The following UNC13C variants were observed in gnomAD, a reference collection of about 807,000 sequenced individuals.
UNC13C encodes the protein unc-13 homolog C, also known as protein unc-13 homolog C.
UNC13C carries 174 observed loss-of-function variants against 245.4 expected under a neutral mutation model. That is an observed-to-expected ratio of 0.71 (90% CI 0.63 to 0.80). The LOEUF is 0.80. Among genes scored for constraint, UNC13C ranks in the 30% least tolerant of loss-of-function variants. UNC13C has a pLI of 0.00. For synonymous variants in UNC13C, 992 were observed against 895.1 expected, an observed-to-expected ratio of 1.11 and a Z score of -1.93; for missense variants, 2,829 against 2,602.9, an observed-to-expected ratio of 1.09 and a Z score of -1.89.
intron 8 of UNC13C, among the ~76,000 whole-genome samples, 172 bp from the exon 9 acceptor site, chr15:54,263,993 AGTT>A (rs2036490883): frequency 6.6e-6 from 1 of 152,076 alleles, no homozygotes; most frequent in Non-Finnish European, 1.5e-5. Flanking sequence ...AAGGAGTACT[AGTT>A]GTTGTGAATC....
intron 16 of UNC13C, among the ~76,000 whole-genome samples, chr15:54,337,103 T>A (rs1445849553): frequency 6.6e-6 from 1 of 152,202 alleles, no homozygotes; most frequent in Non-Finnish European, 1.5e-5. Context: ...AAATAATTTG[T>A]CAACATCTCA....
chr15:54,464,695 C>T (rs1892072181), intron 19 of UNC13C, among the ~76,000 whole-genome samples: 1 of 151,992 alleles, frequency 6.6e-6, no homozygotes, highest in Admixed American at 6.6e-5. Context: ...CAGTCACATA[C>T]ATAGAAGAGG....
chr15:54,383,648 T>C (rs868522036), intron 17 of UNC13C, among the ~76,000 whole-genome samples: 1 of 152,130 alleles, frequency 6.6e-6, no homozygotes, highest in East Asian at 1.9e-4. Context: ...CTATGCAACA[T>C]GGTGCTGGAA....
At chr15:54,477,273 C>G (rs1307301733) in intron 19 of UNC13C, among the ~76,000 whole-genome samples, 9 of 109,874 alleles carry the variant, frequency 8.2e-5, no homozygotes, top group Middle Eastern at 4.1e-3. Context: ...ATTTGACTTC[C>G]TCTTTTCCTA....
chr15:53,898,954 C>T, the UNC13C span, among the ~76,000 whole-genome samples: 1 of 151,924 alleles, frequency 6.6e-6, no homozygotes, highest in Non-Finnish European at 1.5e-5. Context: ...TACACTGCCC[C>T]CCACCCCATC....
intron 30 of UNC13C, among the ~76,000 whole-genome samples, chr15:54,584,326 G>C (rs1898368956): frequency 6.6e-6 from 1 of 152,200 alleles, no homozygotes; most frequent in African/African-American, 2.4e-5. Context: ...CTATCTTGTA[G>C]TATGCAGTTA....
chr15:53,888,827 T>G, the UNC13C span, among the ~76,000 whole-genome samples: 1 of 152,286 alleles, frequency 6.6e-6, no homozygotes, highest in Non-Finnish European at 1.5e-5. Context: ...CATTGCTTAT[T>G]TGTGTCAGGT....
chr15:54,179,351 G>T (rs1897048), intron 4 of UNC13C, among the ~76,000 whole-genome samples: 137,779 of 152,150 alleles, frequency 0.91, 62,825 homozygotes, highest in Non-Finnish European at 0.97. Context: ...TCTACAGACT[G>T]TAAAATTGCT....
intron 17 of UNC13C, among the ~76,000 whole-genome samples, chr15:54,392,836 G>C (rs1233384945): frequency 6.6e-6 from 1 of 151,858 alleles, no homozygotes; most frequent in Non-Finnish European, 1.5e-5. Context: ...TATTTAAAAA[G>C]TGATTAGAAA....
At chr15:54,003,950 G>T (rs548840681) in intron 1 of UNC13C, among the ~76,000 whole-genome samples, 1 of 152,268 alleles carries the variant, frequency 6.6e-6, no homozygotes, top group South Asian at 2.1e-4. Context: ...GGGGCAGCTT[G>T]CAGTGAGCCG....
At chr15:54,213,666 T>C (rs554033314) in intron 4 of UNC13C, among the ~76,000 whole-genome samples, 3 of 152,196 alleles carry the variant, frequency 2.0e-5, no homozygotes, top group South Asian at 4.1e-4. Context: ...ACGCAAGTTG[T>C]TGAAGAGATG....
intron 28 of UNC13C, among the ~76,000 whole-genome samples, chr15:54,554,392 C>T (rs183954660): frequency 2.5e-3 from 385 of 152,110 alleles, no homozygotes; most frequent in Non-Finnish European, 4.4e-3. Context: ...AAATTGAGCC[C>T]ATGTTCCACT....
chr15:53,840,608 A>G, the UNC13C span, among the ~76,000 whole-genome samples: 69,324 of 152,058 alleles, frequency 0.46, 16,265 homozygotes, highest in East Asian at 0.59. Context: ...CAAATGGTTA[A>G]CACTATCTCC....
intron 1 of UNC13C, among the ~76,000 whole-genome samples, chr15:54,003,293 A>G (rs141005281): frequency 6.6e-6 from 1 of 152,340 alleles, no homozygotes; most frequent in East Asian, 1.9e-4. Context: ...TAGAATTCTA[A>G]GTTGCTTATC....
At chr15:54,127,707 G>T (rs2031141589) in intron 2 of UNC13C, among the ~76,000 whole-genome samples, 2 of 145,844 alleles carry the variant, frequency 1.4e-5, no homozygotes, top group South Asian at 4.3e-4. Flanking sequence ...AAGTGTGTGT[G>T]TGTGTATATA....
At chr15:54,615,599 G>T (rs921771812) in intron 30 of UNC13C, among the ~76,000 whole-genome samples, 2 of 151,960 alleles carry the variant, frequency 1.3e-5, no homozygotes, top group African/African-American at 2.4e-5. Flanking sequence ...AGTAATTGTG[G>T]TGCATGAATA....
At chr15:54,130,308 T>TTTTTTG (rs67637704) in intron 2 of UNC13C, among the ~76,000 whole-genome samples, 3,169 of 119,060 alleles carry the variant, frequency 0.027, 91 homozygotes, top group African/African-American at 0.042. Context: ...TTTTTTTTTT[T>TTTTTTG]GTGAGACGGA....
chr15:54,314,026 A>G (rs1487866568), intron 13 of UNC13C, among the ~76,000 whole-genome samples: 1 of 151,728 alleles, frequency 6.6e-6, no homozygotes, highest in Non-Finnish European at 1.5e-5. Context: ...GAAATAAGGC[A>G]GGCACAGAAA....
intron 17 of UNC13C, among the ~76,000 whole-genome samples, chr15:54,363,325 T>C (rs2039280568): frequency 6.6e-6 from 1 of 152,166 alleles, no homozygotes; most frequent in Admixed American, 6.5e-5. Flanking sequence ...GCCAGGCTGG[T>C]CTTGAACTCC....
Sources: gnomAD v4.1 joint callset for allele counts (sites outside exome capture counted in the v4.1 genomes callset) on GRCh38, gnomAD v4.1.1 for gene constraint, MANE v1.5 for transcripts, NCBI Gene and HGNC (gene_info 2026-07-23, HGNC 2026-07-21) for gene names.